Variants in DGKB observed in about 807,000 individuals in gnomAD.
DGKB encodes diacylglycerol kinase beta, also known as 90 kDa diacylglycerol kinase.
A neutral mutation model predicts 114.3 loss-of-function variants in DGKB; 67 were observed. The observed-to-expected ratio is 0.59, with a 90% CI of 0.48 to 0.72. DGKB has a LOEUF of 0.72. Among genes scored for constraint, DGKB ranks in the 30% least tolerant of loss-of-function variants. DGKB has a pLI of 0.00. For missense variants in DGKB, 907 were observed against 975.2 expected (o/e 0.93, Z 0.93); for synonymous variants, 398 against 323.1 (o/e 1.23, Z -2.49).
At chr7:14,234,010 C>T (rs940868582) in intron 23 of DGKB, among the ~76,000 whole-genome samples, 5 of 152,066 alleles carry the variant, frequency 3.3e-5, no homozygotes, top group African/African-American at 1.2e-4. Flanking sequence ...TCCCAAATGC[C>T]TGGAAGGCAT....
intron 24 of DGKB, among the ~76,000 whole-genome samples, chr7:14,177,610 C>T (rs1781977523): frequency 1.4e-5 from 2 of 142,726 alleles, no homozygotes; most frequent in Non-Finnish European, 3.1e-5. Flanking sequence ...AAAAAAAATG[C>T]TTGAAAAAGT....
At chr7:14,773,630 C>T (rs1193418985) in intron 2 of DGKB, among the ~76,000 whole-genome samples, 1 of 152,010 alleles carries the variant, frequency 6.6e-6, no homozygotes, top group East Asian at 1.9e-4. Flanking sequence ...ATAAGGGGTT[C>T]TATCTTCACA....
At chr7:14,280,207 A>T (rs983029324) in intron 23 of DGKB, among the ~76,000 whole-genome samples, 5 of 152,146 alleles carry the variant, frequency 3.3e-5, no homozygotes, top group Non-Finnish European at 7.3e-5. Flanking sequence ...GAACTACGTG[A>T]GGAATGCAGA....
At chr7:14,247,934 G>A (rs1329904315) in intron 23 of DGKB, among the ~76,000 whole-genome samples, 1 of 151,992 alleles carries the variant, frequency 6.6e-6, no homozygotes, top group Non-Finnish European at 1.5e-5. Flanking sequence ...ATAGACTAAT[G>A]ACGAGTAGCT....
chr7:14,769,278 G>GAAA (rs1554265919), intron 2 of DGKB, among the ~76,000 whole-genome samples: 1 of 77,190 alleles, frequency 1.3e-5, no homozygotes, highest in Non-Finnish European at 2.2e-5. Flanking sequence ...AAGAAAGAAA[G>GAAA]AAAGATTTTG....
intron 23 of DGKB, among the ~76,000 whole-genome samples, chr7:14,204,295 G>T (rs998075911): frequency 1.3e-5 from 2 of 151,880 alleles, no homozygotes; most frequent in African/African-American, 4.8e-5. Flanking sequence ...GAAAACTTGA[G>T]GGGCCTTATA....
intron 17 of DGKB, among the ~76,000 whole-genome samples, chr7:14,587,726 ACT>A (rs893688761): frequency 2.6e-5 from 4 of 152,000 alleles, no homozygotes; most frequent in Non-Finnish European, 5.9e-5. Context: ...TCAAGGCTAA[ACT>A]CTCTACCAGA....
chr7:14,147,526 TA>T lies in DGKB; in HGVS notation c.*1604del, dbSNP rs1364508586. ...TTATAGCAATTTCACTTGAAATCCATAAATCCATGCACAGGATTGTGTTCAA... is the reference window on the plus strand; with the variant it reads ...TTATAGCAATTTCACTTGAAATCCATAATCCATGCACAGGATTGTGTTCAA... On this transcript the variant is annotated 3_prime_UTR_variant, in exon 26 of 26. Coordinates refer to ENST00000402815, the MANE Select transcript of DGKB (RefSeq NM_001350709.2). 1 of 152,126 alleles carries T rather than the reference TA, an allele frequency of 6.6e-6. No individual in the cohort carries two copies. Among genetic ancestry groups the T allele is most frequent in the African/African-American group, 2.4e-5 (1 of 41,442 alleles). 9.4% of individuals were successfully genotyped at this position (152,126 alleles called of 1,614,324 possible).
intron 20 of DGKB, among the ~76,000 whole-genome samples, chr7:14,549,166 G>C (rs1006587233): frequency 6.6e-6 from 1 of 152,196 alleles, no homozygotes; most frequent in Admixed American, 6.5e-5. Flanking sequence ...GGATGCCCAA[G>C]GAAGTAAGAA....
intron 1 of DGKB, among the ~76,000 whole-genome samples, chr7:14,959,160 T>G (rs1409427019): frequency 2.0e-5 from 3 of 148,750 alleles, no homozygotes; most frequent in African/African-American, 7.3e-5. Flanking sequence ...ATTTTACCAT[T>G]TGTTCAGTTA....
chr7:14,160,358 T>C (rs960639687), intron 25 of DGKB, among the ~76,000 whole-genome samples: 5 of 152,130 alleles, frequency 3.3e-5, no homozygotes, highest in African/African-American at 1.2e-4. Context: ...GATGACATGA[T>C]TGTATATTTA....
chr7:14,684,296 A>T (rs1821313140), intron 10 of DGKB, among the ~76,000 whole-genome samples: 1 of 152,168 alleles, frequency 6.6e-6, no homozygotes, highest in Admixed American at 6.5e-5. Context: ...CAAAAAACCT[A>T]TAAACCATGG....
intron 1 of DGKB, among the ~76,000 whole-genome samples, chr7:14,852,490 A>AAAAAAAAAAAAAAAAAAAAAAAC (rs1554304291): frequency 6.7e-6 from 1 of 149,430 alleles, no homozygotes; most frequent in African/African-American, 2.4e-5. Context: ...TGAAAGTCAA[A>AAAAAAAAAAAAAAAAAAAAAAAC]AAAAAAACAG....
intron 20 of DGKB, among the ~76,000 whole-genome samples, chr7:14,551,692 G>A (rs1424719912): frequency 6.6e-6 from 1 of 152,048 alleles, no homozygotes; most frequent in Non-Finnish European, 1.5e-5. Context: ...TTCAGACTTG[G>A]CCTCAGAGAC....
chr7:14,153,036 G>T (rs1012199515), intron 25 of DGKB, among the ~76,000 whole-genome samples: 1 of 152,036 alleles, frequency 6.6e-6, no homozygotes, highest in Non-Finnish European at 1.5e-5. Flanking sequence ...ATAGAAGAGG[G>T]TATTTGTATC....
chr7:14,632,524 A>T (rs894456947), intron 13 of DGKB, among the ~76,000 whole-genome samples: 1 of 151,880 alleles, frequency 6.6e-6, no homozygotes, highest in Non-Finnish European at 1.5e-5. Context: ...AATATTTTCT[A>T]ATAAAATTTG....
At chr7:14,379,139 A>G (rs1384431533) in intron 21 of DGKB, among the ~76,000 whole-genome samples, 1 of 151,976 alleles carries the variant, frequency 6.6e-6, no homozygotes, top group Admixed American at 6.6e-5. Flanking sequence ...ATTACACTAG[A>G]CTTCTTCATT....
chr7:14,888,850 T>C (rs1780731486), intron 1 of DGKB, among the ~76,000 whole-genome samples: 1 of 151,656 alleles, frequency 6.6e-6, no homozygotes, highest in Non-Finnish European at 1.5e-5. Context: ...TATAAGTACA[T>C]AAGGATTTGG....
chr7:14,220,406 C>G (rs1789746287), intron 23 of DGKB, among the ~76,000 whole-genome samples: 1 of 151,402 alleles, frequency 6.6e-6, no homozygotes, highest in South Asian at 2.1e-4. Context: ...GGTCTTGGCA[C>G]TCTTATCTAA....
Sources: allele counts gnomAD v4.1 joint callset (sites outside exome capture counted in the v4.1 genomes callset), GRCh38; gene constraint gnomAD v4.1.1; transcripts MANE v1.5; gene names NCBI Gene and HGNC (gene_info 2026-07-23, HGNC 2026-07-21).